The following SLC14A2 variants were observed in gnomAD, a reference collection of about 807,000 sequenced individuals.
SLC14A2 encodes the protein solute carrier family 14 member 2, also known as urea transporter 2.
Under a neutral mutation model 104.6 loss-of-function variants are expected in SLC14A2, and 91 were observed. The ratio of observed to expected loss-of-function variants is 0.87; its 90% CI spans 0.73 to 1.04. The LOEUF (loss-of-function observed/expected upper bound fraction) is 1.04, where lower values mean the gene tolerates loss of function less well. Ranked by LOEUF, SLC14A2 falls within the 50% of genes least tolerant of loss-of-function variation. SLC14A2 has a pLI of 0.00. For synonymous variants in SLC14A2, 476 were observed against 466.4 expected (o/e 1.02, Z -0.27); for missense variants, 1,189 against 1,156.0 (o/e 1.03, Z -0.41).
At chr18:45,600,940 T>C (rs973801825) in intron 2 of SLC14A2, among the ~76,000 whole-genome samples, 13 of 152,254 alleles carry the variant, frequency 8.5e-5, no homozygotes, top group Non-Finnish European at 1.5e-4. Flanking sequence ...GTCAATTTTA[T>C]GACCATCCTC....
chr18:45,274,249 T>C (rs1289531648), intron 1 of SLC14A2, among the ~76,000 whole-genome samples: 4 of 152,192 alleles, frequency 2.6e-5, no homozygotes, highest in African/African-American at 7.2e-5. Context: ...GGTCAATTCA[T>C]GCAAGATGTG....
At chr18:45,486,374 T>TA (rs1285388970) in intron 2 of SLC14A2, among the ~76,000 whole-genome samples, 1 of 151,666 alleles carries the variant, frequency 6.6e-6, no homozygotes, top group Non-Finnish European at 1.5e-5. Context: ...TTTTTTTTTT[T>TA]AATCTGAAAA....
At chr18:45,259,292 A>C (rs2084511819) in intron 1 of SLC14A2, among the ~76,000 whole-genome samples, 1 of 152,244 alleles carries the variant, frequency 6.6e-6, no homozygotes, top group African/African-American at 2.4e-5. Flanking sequence ...TCATAGAGGC[A>C]AAACAGGAAG....
At chr18:45,391,279 T>C (rs1293797600) in intron 1 of SLC14A2, among the ~76,000 whole-genome samples, 1 of 152,244 alleles carries the variant, frequency 6.6e-6, no homozygotes, top group East Asian at 1.9e-4. Flanking sequence ...GGCTGCATAG[T>C]ATTCCATGGT....
chr18:45,484,322 T>C (rs1249000499), intron 2 of SLC14A2, among the ~76,000 whole-genome samples: 2 of 152,166 alleles, frequency 1.3e-5, no homozygotes, highest in Non-Finnish European at 2.9e-5. Flanking sequence ...GGCCTCTCCT[T>C]GATGAAAGAG....
At chr18:45,649,867 G>A (rs1202445105) in intron 10 of SLC14A2, among the ~76,000 whole-genome samples, 3 of 152,230 alleles carry the variant, frequency 2.0e-5, no homozygotes, top group African/African-American at 4.8e-5. Context: ...CTTTCTAGAT[G>A]ACAGTTAGTT....
intron 1 of SLC14A2, among the ~76,000 whole-genome samples, chr18:45,373,326 T>C (rs2085742038): frequency 1.3e-5 from 2 of 152,216 alleles, no homozygotes; most frequent in South Asian, 4.1e-4. Flanking sequence ...AGTTGCTGCA[T>C]TGGGTGATGT....
At chr18:45,235,828 TATAC>T in intron 1 of SLC14A2, among the ~76,000 whole-genome samples, 1 of 97,326 alleles carries the variant, frequency 1.0e-5, no homozygotes, top group East Asian at 2.2e-4. Context: ...TATATATATA[TATAC>T]GTGTATATAT....
At chr18:45,565,483 G>A (rs1272326111) in intron 2 of SLC14A2, among the ~76,000 whole-genome samples, 6 of 152,358 alleles carry the variant, frequency 3.9e-5, no homozygotes, top group African/African-American at 1.2e-4. Flanking sequence ...ACTTGTGCAC[G>A]TGTAAGCATG....
intron 2 of SLC14A2, among the ~76,000 whole-genome samples, chr18:45,557,381 C>T (rs577057737): frequency 6.6e-6 from 1 of 152,344 alleles, no homozygotes; most frequent in South Asian, 2.1e-4. Flanking sequence ...CTAACATGCT[C>T]AAGCCAGGCT....
At chr18:45,205,051 C>T in the SLC14A2 span, among the ~76,000 whole-genome samples, 1 of 152,146 alleles carries the variant, frequency 6.6e-6, no homozygotes, top group Non-Finnish European at 1.5e-5. Context: ...ATGTGCCTGG[C>T]CATGGTATGG....
At chr18:45,233,607 C>G (rs906610704) in intron 1 of SLC14A2, among the ~76,000 whole-genome samples, 3 of 152,154 alleles carry the variant, frequency 2.0e-5, no homozygotes, top group Non-Finnish European at 4.4e-5. Context: ...TGCGATTGGA[C>G]AAGTGCTTAA....
intron 2 of SLC14A2, among the ~76,000 whole-genome samples, chr18:45,568,475 C>T (rs2044298695): frequency 6.6e-6 from 1 of 152,238 alleles, no homozygotes; most frequent in Admixed American, 6.5e-5. Context: ...CATGGTAGGA[C>T]TGTACTTCCT....
At chr18:45,420,267 G>C (rs1281028999) in intron 1 of SLC14A2, among the ~76,000 whole-genome samples, 1 of 152,210 alleles carries the variant, frequency 6.6e-6, no homozygotes, top group Admixed American at 6.5e-5. Context: ...TTCTCTCAGA[G>C]TGAGTTATTC....
intron 1 of SLC14A2, among the ~76,000 whole-genome samples, chr18:45,253,188 G>T (rs375059712): frequency 1.3e-5 from 2 of 152,086 alleles, no homozygotes; most frequent in Non-Finnish European, 2.9e-5. Flanking sequence ...CCAATATTTC[G>T]CATTGCAATG....
chr18:45,207,465 G>A, the SLC14A2 span, among the ~76,000 whole-genome samples: 4 of 150,852 alleles, frequency 2.7e-5, no homozygotes, highest in Non-Finnish European at 5.9e-5. Context: ...AAGAGGGGAA[G>A]GAAAGTGAAG....
At chr18:45,191,050 G>A in the SLC14A2 span, among the ~76,000 whole-genome samples, 3 of 152,094 alleles carry the variant, frequency 2.0e-5, no homozygotes, top group East Asian at 1.9e-4. Flanking sequence ...TGGGGAGACA[G>A]GAGGACAGCT....
chr18:45,199,320 C>A, the SLC14A2 span, among the ~76,000 whole-genome samples: 1 of 152,048 alleles, frequency 6.6e-6, no homozygotes, highest in African/African-American at 2.4e-5. Flanking sequence ...CTTTTAGACC[C>A]TCTTCCCAAT....
chr18:45,661,098 G>A (rs1331897206), intron 10 of SLC14A2, among the ~76,000 whole-genome samples: 1 of 152,102 alleles, frequency 6.6e-6, no homozygotes, highest in Non-Finnish European at 1.5e-5. Context: ...ACAGAATCTG[G>A]GCTGCTAACT....
Sources: gnomAD v4.1 joint callset for allele counts (sites outside exome capture counted in the v4.1 genomes callset) on GRCh38, gnomAD v4.1.1 for gene constraint, MANE v1.5 for transcripts, NCBI Gene and HGNC (gene_info 2026-07-23, HGNC 2026-07-21) for gene names.